Variants in KSR1 observed in about 807,000 individuals in gnomAD.
KSR1 encodes the protein kinase suppressor of ras.
In KSR1, 35 loss-of-function variants were observed where a neutral mutation model predicts 92.9. The ratio of observed to expected loss-of-function variants is 0.38; its 90% CI spans 0.29 to 0.50. The LOEUF (loss-of-function observed/expected upper bound fraction) is 0.50. Among genes scored for constraint, KSR1 ranks in the 20% least tolerant of loss-of-function variants. The pLI is 0.94. For synonymous variants in KSR1, 467 were observed against 472.6 expected, an observed-to-expected ratio of 0.99 and a Z score of 0.15; for missense variants, 972 against 1,158.5, an observed-to-expected ratio of 0.84 and a Z score of 2.34.
Position 27,581,888 on chromosome 17 carries a change from G to A in KSR1, c.521-758G>A, listed in dbSNP as rs563558076. The stretch of plus-strand genomic sequence containing the variant: ...GCAGCCCACAGTCACTCGAAGGCTG[G>A]TGTAGAAGGAAGTGGCTGTTGATCC... On this transcript the variant is annotated intron_variant, in intron 3 of 20. Transcript: ENST00000644974. 9.7e-4 allele frequency among the ~76,000 whole-genome samples: 147 copies of A among 152,316 alleles called. 1 individual carries two copies. The highest frequency in any genetic ancestry group is 3.2e-3 in the African/African-American group (133 of 41,572).
At position 27,560,394 on chromosome 17, in the gene KSR1, C is replaced by T. The variant is rs202147788; in HGVS notation, c.372+9686C>T. 220 of 518,904 alleles carry T rather than the reference C, an allele frequency of 4.2e-4. 2 individuals are homozygous for T. The highest frequency in any genetic ancestry group is 3.0e-3 in the South Asian group (217 of 71,584). 32.1% of individuals were successfully genotyped at this position (518,904 alleles called of 1,614,324 possible). A position where few individuals can be genotyped will look rare whatever the true frequency, so the allele number is the denominator to read the frequency against. ...GTCTGGGATTCCAGGGTGAAAGCCACAGGTTCCCCTGAATAAGCTCTTACT... is the reference window on the plus strand; with the variant it reads ...GTCTGGGATTCCAGGGTGAAAGCCATAGGTTCCCCTGAATAAGCTCTTACT... On this transcript the variant is annotated intron_variant, in intron 2 of 20. Transcript: ENST00000644974.
intron 1 of KSR1, among the ~76,000 whole-genome samples, chr17:27,493,621 A>C: frequency 6.6e-6 from 1 of 152,100 alleles, no homozygotes; most frequent in East Asian, 1.9e-4. Context: ...CCTTTTAACA[A>C]TGCTGATTTT....
chr17:27,565,516 T>C (rs2072027491), intron 2 of KSR1, among the ~76,000 whole-genome samples: 1 of 152,230 alleles, frequency 6.6e-6, no homozygotes, highest in Non-Finnish European at 1.5e-5. Context: ...CCTCCATCTT[T>C]TGGCCTCAAG....
At chr17:27,615,848 A>C (rs969601732) in intron 18 of KSR1, among the ~76,000 whole-genome samples, 2 of 152,240 alleles carry the variant, frequency 1.3e-5, no homozygotes, top group African/African-American at 4.8e-5. Context: ...TGCCTAAAAT[A>C]GTTATTATTT....
intron 2 of KSR1, among the ~76,000 whole-genome samples, chr17:27,556,356 G>T (rs1055074482): frequency 6.6e-6 from 1 of 152,004 alleles, no homozygotes; most frequent in Non-Finnish European, 1.5e-5. Context: ...TGGGACTGCA[G>T]ATGTGCGCAC....
chr17:27,581,906 G>A (rs1215248734), intron 3 of KSR1, among the ~76,000 whole-genome samples: 1 of 152,228 alleles, frequency 6.6e-6, no homozygotes, highest in Admixed American at 6.5e-5. Context: ...GGAAGTGGCT[G>A]TTGATCCCTT....
At chr17:27,540,948 C>A (rs2151066245) in intron 1 of KSR1, among the ~76,000 whole-genome samples, 1 of 152,368 alleles carries the variant, frequency 6.6e-6, no homozygotes, top group East Asian at 1.9e-4. Context: ...CAGAAATGCA[C>A]TCCAGCTTTG....
intron 1 of KSR1, among the ~76,000 whole-genome samples, chr17:27,495,796 A>G (rs934409113): frequency 6.6e-5 from 10 of 152,206 alleles, no homozygotes; most frequent in Non-Finnish European, 1.2e-4. Flanking sequence ...TGTAGCTGTC[A>G]TTGATCAGGT....
rs2073844364 is a variant in KSR1, at chr17:27,609,062, T to C, written c.2092-134T>C. ...TTTCCCTCTCTGAACCTCGATTTCT[T>C]CTTCTGTAAAATGGGGACAATATAC... On this transcript the variant is annotated intron_variant, in intron 15 of 20. Coordinates refer to ENST00000644974, the MANE Select transcript of KSR1 (RefSeq NM_001394583.1). 3 of 1,085,914 alleles carry C rather than the reference T, an allele frequency of 2.8e-6. No individual in the cohort carries two copies. The South Asian group carries it at 5.0e-5, about 18-fold the overall frequency. The allele number at this position is 1,085,914 out of a possible 1,614,324, so 67.3% of individuals were successfully genotyped here. A position where few individuals can be genotyped will look rare whatever the true frequency, so the allele number is the denominator to read the frequency against.
At chr17:27,484,501 C>T (rs1182836975) in intron 1 of KSR1, among the ~76,000 whole-genome samples, 2 of 152,174 alleles carry the variant, frequency 1.3e-5, no homozygotes, top group East Asian at 1.9e-4. Flanking sequence ...GCATTACAGG[C>T]GTGAGCCACC....
intron 1 of KSR1, among the ~76,000 whole-genome samples, chr17:27,474,412 G>GAGC (rs1331819034): frequency 6.6e-6 from 1 of 152,236 alleles, no homozygotes; most frequent in Admixed American, 6.5e-5. Flanking sequence ...ATGGGAGGAT[G>GAGC]AGCAGCACCT....
At chr17:27,609,462 C>G (rs960711767) in intron 16 of KSR1, 133 bp downstream of exon 16, 1 of 1,173,922 alleles carries the variant, frequency 8.5e-7, no homozygotes, top group African/African-American at 1.5e-5. Context: ...CGCTTTGGTC[C>G]TGCCCTCGTA....
chr17:27,564,074 C>A (rs1008114116), intron 2 of KSR1, among the ~76,000 whole-genome samples: 2 of 147,854 alleles, frequency 1.4e-5, no homozygotes, highest in African/African-American at 5.0e-5. Context: ...CTGCTACCTC[C>A]ACCTCCCAGG....
chr17:27,604,794 G>A (rs2151229039), intron 13 of KSR1, 66 bp downstream of exon 13: 1 of 1,524,774 alleles, frequency 6.6e-7, no homozygotes, highest in Non-Finnish European at 9.1e-7. Flanking sequence ...ATCTCAGAAT[G>A]CGCAGGGGGC....
intron 1 of KSR1, among the ~76,000 whole-genome samples, chr17:27,532,390 C>T (rs529075139): frequency 6.6e-6 from 1 of 152,302 alleles, no homozygotes; most frequent in Non-Finnish European, 1.5e-5. Flanking sequence ...AATGTGTTGT[C>T]CTGCGCGGCA....
At chr17:27,516,588 A>G (rs1329573059) in intron 1 of KSR1, among the ~76,000 whole-genome samples, 1 of 151,732 alleles carries the variant, frequency 6.6e-6, no homozygotes, top group Non-Finnish European at 1.5e-5. Context: ...AGAGTAATAT[A>G]TGTTCCTTGT....
chr17:27,541,657 T>C (rs2070972721), intron 1 of KSR1, among the ~76,000 whole-genome samples: 2 of 152,332 alleles, frequency 1.3e-5, no homozygotes. Context: ...GCAGGAGTCA[T>C]TATTTTGAGA....
intron 1 of KSR1, chr17:27,472,075 T>A (rs1398727069): frequency 6.6e-6 from 1 of 152,210 alleles, no homozygotes; most frequent in Admixed American, 6.5e-5. Context: ...GGGCTGCTGA[T>A]ACTAGGTATG....
At chr17:27,530,125 G>A (rs1164730494) in intron 1 of KSR1, among the ~76,000 whole-genome samples, 6 of 152,124 alleles carry the variant, frequency 3.9e-5, no homozygotes, top group South Asian at 2.1e-4. Flanking sequence ...CTTCCTTTCC[G>A]CATCTTTGCC....
Sources: allele counts gnomAD v4.1 joint callset (sites outside exome capture counted in the v4.1 genomes callset), GRCh38; gene constraint gnomAD v4.1.1; transcripts MANE v1.5; gene names NCBI Gene and HGNC (gene_info 2026-07-23, HGNC 2026-07-21).